The following ARHGEF3 variants were observed in gnomAD, a reference collection of about 807,000 sequenced individuals.
ARHGEF3 encodes 59.8 kDA protein.
In ARHGEF3, 28 loss-of-function variants were observed where a neutral mutation model predicts 63.2. That is an observed-to-expected ratio of 0.44 (90% confidence interval 0.33 to 0.61). ARHGEF3 has a LOEUF of 0.61. Among genes scored for constraint, ARHGEF3 ranks in the 20% least tolerant of loss-of-function variants. The pLI, the probability that ARHGEF3 is intolerant of heterozygous loss-of-function variation, is 0.03. For synonymous variants in ARHGEF3, 266 were observed against 254.2 expected, an observed-to-expected ratio of 1.05 and a Z score of -0.44; for missense variants, 533 against 659.3, an observed-to-expected ratio of 0.81 and a Z score of 2.10.
chr3:56,779,616 C>T (rs1434227436), intron 1 of ARHGEF3, among the ~76,000 whole-genome samples: 2 of 152,176 alleles, frequency 1.3e-5, no homozygotes, highest in Non-Finnish European at 1.5e-5. Flanking sequence ...TCTTTAATTC[C>T]TGCTTCTGCC....
intron 3 of ARHGEF3, among the ~76,000 whole-genome samples, chr3:56,930,539 G>A (rs934228045): frequency 7.2e-5 from 11 of 152,214 alleles, no homozygotes; most frequent in African/African-American, 2.2e-4. Context: ...GAGAACTACC[G>A]ATGTTGAATT....
At chr3:56,818,233 C>A (rs953866016) in intron 4 of ARHGEF3, among the ~76,000 whole-genome samples, 4 of 152,102 alleles carry the variant, frequency 2.6e-5, no homozygotes, top group African/African-American at 7.2e-5. Flanking sequence ...TGAAACTCTA[C>A]TGAAAATTCT....
chr3:56,935,833 T>C (rs183503694), intron 3 of ARHGEF3, among the ~76,000 whole-genome samples: 2 of 152,204 alleles, frequency 1.3e-5, no homozygotes, highest in Non-Finnish European at 2.9e-5. Context: ...CCAGACACAT[T>C]ACTATGTCAC....
intron 7 of ARHGEF3, among the ~76,000 whole-genome samples, chr3:56,740,462 A>T (rs1272617858): frequency 3.3e-5 from 5 of 152,210 alleles, no homozygotes; most frequent in African/African-American, 1.2e-4. Context: ...CTTGGTTTTC[A>T]AAAATGAATG....
chr3:56,750,492 C>A (rs1559902763), intron 6 of ARHGEF3, among the ~76,000 whole-genome samples: 1 of 152,126 alleles, frequency 6.6e-6, no homozygotes, highest in Non-Finnish European at 1.5e-5. Context: ...GGTATATATG[C>A]TAAACATTAG....
chr3:56,819,840 C>A (rs1267474208), intron 4 of ARHGEF3, among the ~76,000 whole-genome samples: 1 of 145,298 alleles, frequency 6.9e-6, no homozygotes, highest in East Asian at 2.0e-4. Flanking sequence ...TTTTTTTTCT[C>A]ATTTTGTCAT....
At chr3:56,996,602 C>T (rs1209892940) in intron 2 of ARHGEF3, among the ~76,000 whole-genome samples, 1 of 152,192 alleles carries the variant, frequency 6.6e-6, no homozygotes, top group Non-Finnish European at 1.5e-5. Context: ...CTGCTGGCAC[C>T]TTGACCTTGG....
At chr3:57,014,931 C>T (rs577087527) in intron 2 of ARHGEF3, among the ~76,000 whole-genome samples, 2 of 152,116 alleles carry the variant, frequency 1.3e-5, no homozygotes, top group African/African-American at 2.4e-5. Context: ...GTGATCCTCC[C>T]GCCTCGGCCT....
At chr3:57,078,571 C>A (rs1056334903) in intron 1 of ARHGEF3, 3 of 152,396 alleles carry the variant, frequency 2.0e-5, no homozygotes, top group African/African-American at 7.2e-5. Context: ...GAGGCACCCA[C>A]GCTGACCTTA....
intron 2 of ARHGEF3, among the ~76,000 whole-genome samples, chr3:57,014,428 T>C (rs1453908396): frequency 6.6e-6 from 1 of 152,114 alleles, no homozygotes; most frequent in African/African-American, 2.4e-5. Flanking sequence ...TGGACTCCCA[T>C]ATTCCAGAAG....
At chr3:56,934,054 C>A (rs538537756) in intron 3 of ARHGEF3, among the ~76,000 whole-genome samples, 79 of 152,290 alleles carry the variant, frequency 5.2e-4, no homozygotes, top group African/African-American at 1.9e-3. Flanking sequence ...GAGGCCTCCC[C>A]AGCAATGCAA....
chr3:56,956,335 G>A (rs1651885566), intron 3 of ARHGEF3, among the ~76,000 whole-genome samples: 1 of 151,914 alleles, frequency 6.6e-6, no homozygotes, highest in Non-Finnish European at 1.5e-5. Context: ...AGACTCCTGG[G>A]CTCAAGCAAT....
At chr3:56,882,208 A>G in intron 4 of ARHGEF3, 1 of 1,348,966 alleles carries the variant, frequency 7.4e-7, no homozygotes, top group Non-Finnish European at 1.0e-6. Flanking sequence ...GCCCACTTCA[A>G]GCACACAGCA....
intron 2 of ARHGEF3, among the ~76,000 whole-genome samples, chr3:57,014,012 C>T (rs964232282): frequency 1.3e-5 from 2 of 152,184 alleles, no homozygotes; most frequent in African/African-American, 4.8e-5. Context: ...TTTGGATCTG[C>T]ACTGCCTTTA....
chr3:57,058,626 A>T (rs1579186119), intron 1 of ARHGEF3, among the ~76,000 whole-genome samples: 2 of 152,170 alleles, frequency 1.3e-5, no homozygotes, highest in East Asian at 3.9e-4. Flanking sequence ...CATTTGACCC[A>T]GCCATCCCAC....
intron 4 of ARHGEF3, among the ~76,000 whole-genome samples, chr3:56,819,058 A>G (rs1360804820): frequency 6.6e-6 from 1 of 152,170 alleles, no homozygotes; most frequent in African/African-American, 2.4e-5. Context: ...ATTTTTTTAT[A>G]CTTGTATTCT....
intron 3 of ARHGEF3, among the ~76,000 whole-genome samples, chr3:56,900,766 T>G (rs79629735): frequency 6.6e-6 from 1 of 152,222 alleles, no homozygotes; most frequent in Admixed American, 6.5e-5. Flanking sequence ...CAGATCACAA[T>G]TGATGTTATC....
chr3:56,816,647 T>C (rs1390125836), intron 4 of ARHGEF3, among the ~76,000 whole-genome samples: 1 of 152,202 alleles, frequency 6.6e-6, no homozygotes, highest in Non-Finnish European at 1.5e-5. Context: ...ATGAAGTATC[T>C]CAAGTAATCC....
intron 1 of ARHGEF3, among the ~76,000 whole-genome samples, chr3:57,075,895 T>G (rs774376201): frequency 6.6e-6 from 1 of 152,166 alleles, no homozygotes; most frequent in Non-Finnish European, 1.5e-5. Flanking sequence ...AAAGCAAAGC[T>G]TGTCACCAAA....
Sources: allele counts gnomAD v4.1 joint callset (sites outside exome capture counted in the v4.1 genomes callset), GRCh38; gene constraint gnomAD v4.1.1; transcripts MANE v1.5; gene names NCBI Gene and HGNC (gene_info 2026-07-23, HGNC 2026-07-21).